Variants in NRXN3 observed in about 807,000 individuals in gnomAD.
NRXN3 encodes neurexin 3, also known as neurexin III.
Under a neutral mutation model 137.6 loss-of-function variants are expected in NRXN3, and 32 were observed. The observed-to-expected ratio is 0.23, with a 90% CI of 0.18 to 0.31. The LOEUF is 0.31. Ranked by LOEUF, NRXN3 falls within the 10% of genes least tolerant of loss-of-function variation. NRXN3 has a pLI of 1.00. For missense variants in NRXN3, 1,574 were observed against 2,062.5 expected (o/e 0.76, Z 4.59); for synonymous variants, 798 against 784.5 (o/e 1.02, Z -0.29).
intron 8 of NRXN3, among the ~76,000 whole-genome samples, chr14:78,766,576 A>G (rs1289056385): frequency 6.6e-6 from 1 of 152,222 alleles, no homozygotes; most frequent in Non-Finnish European, 1.5e-5. Flanking sequence ...TGATGGATCA[A>G]CTTCTTGAAC....
chr14:79,344,782 T>C (rs2092786779), intron 15 of NRXN3, among the ~76,000 whole-genome samples: 1 of 152,180 alleles, frequency 6.6e-6, no homozygotes, highest in Non-Finnish European at 1.5e-5. Context: ...AAGTTGACAA[T>C]ATAACTCTTT....
At chr14:78,261,815 A>G (rs1435222416) in intron 2 of NRXN3, among the ~76,000 whole-genome samples, 5 of 152,288 alleles carry the variant, frequency 3.3e-5, no homozygotes, top group African/African-American at 1.2e-4. Flanking sequence ...CCAGCCTAGC[A>G]CTCATTCTCC....
intron 15 of NRXN3, among the ~76,000 whole-genome samples, chr14:79,083,917 G>A (rs977316488): frequency 1.3e-5 from 2 of 152,008 alleles, no homozygotes; most frequent in Admixed American, 1.3e-4. Flanking sequence ...TTATTTGTTT[G>A]TTTTTGAGAC....
At chr14:78,787,706 A>G (rs1205484803) in intron 8 of NRXN3, among the ~76,000 whole-genome samples, 1 of 152,198 alleles carries the variant, frequency 6.6e-6, no homozygotes, top group East Asian at 1.9e-4. Flanking sequence ...ATATCTACAG[A>G]ACAGTGCTGT....
intron 4 of NRXN3, among the ~76,000 whole-genome samples, chr14:78,587,469 C>T (rs1271283488): frequency 5.3e-5 from 8 of 152,064 alleles, no homozygotes; most frequent in Admixed American, 2.0e-4. Flanking sequence ...AATATGGGAA[C>T]GTTAATAGCA....
intron 15 of NRXN3, among the ~76,000 whole-genome samples, chr14:79,009,747 C>T (rs1051171078): frequency 1.3e-5 from 2 of 152,170 alleles, no homozygotes; most frequent in African/African-American, 4.8e-5. Flanking sequence ...ATCCTTCAGT[C>T]TCTGTTGCCC....
At chr14:79,638,121 C>A (rs978298078) in intron 16 of NRXN3, among the ~76,000 whole-genome samples, 9 of 152,072 alleles carry the variant, frequency 5.9e-5, no homozygotes, top group Non-Finnish European at 4.4e-5. Flanking sequence ...ATTATCCGTG[C>A]ATTTGTCACC....
chr14:79,360,438 T>G (rs1490589254), intron 15 of NRXN3, among the ~76,000 whole-genome samples: 2 of 152,246 alleles, frequency 1.3e-5, no homozygotes, highest in African/African-American at 4.8e-5. Flanking sequence ...GCTCTTTTTC[T>G]TATCATGGAA....
chr14:79,520,574 A>G (rs1244526984), intron 16 of NRXN3, among the ~76,000 whole-genome samples: 7 of 152,186 alleles, frequency 4.6e-5, no homozygotes, highest in African/African-American at 1.7e-4. Context: ...TTTGCTGAGA[A>G]TGATGGTTTC....
intron 15 of NRXN3, among the ~76,000 whole-genome samples, chr14:79,431,793 A>C (rs935565588): frequency 6.6e-6 from 1 of 152,166 alleles, no homozygotes; most frequent in African/African-American, 2.4e-5. Flanking sequence ...AACTCTACGC[A>C]GTATTAAGTT....
At chr14:78,929,656 C>G (rs2099316139) in intron 10 of NRXN3, among the ~76,000 whole-genome samples, 1 of 152,112 alleles carries the variant, frequency 6.6e-6, no homozygotes, top group African/African-American at 2.4e-5. Context: ...AGTGAACATA[C>G]ACATGCATGT....
chr14:79,156,741 A>G (rs115181348), intron 15 of NRXN3, among the ~76,000 whole-genome samples: 195 of 151,890 alleles, frequency 1.3e-3, no homozygotes, highest in African/African-American at 4.5e-3. Flanking sequence ...AGTAAAGAAG[A>G]CTTTGTTTGG....
chr14:79,862,240 G>A lies in NRXN3; in HGVS notation c.*276G>A. The A allele has an allele frequency of 3.2e-6, 1 of 308,674 alleles. No individual in the cohort carries two copies. Among genetic ancestry groups the A allele is most frequent in the Non-Finnish European group, 6.1e-6 (1 of 164,844 alleles). The allele number at this position is 308,674 out of a possible 1,614,324, so 19.1% of individuals were successfully genotyped here. A position where few individuals can be genotyped will look rare whatever the true frequency, so the allele number is the denominator to read the frequency against. Reference sequence around the variant, plus strand: ...TGCTGTATCATAAAGCACACACTTAGCGCTCTGGAGCCGGACGGTGGCTCC... The same window carrying A: ...TGCTGTATCATAAAGCACACACTTAACGCTCTGGAGCCGGACGGTGGCTCC... On this transcript the variant is annotated 3_prime_UTR_variant, in exon 21 of 21. Transcript: ENST00000335750.
chr14:79,613,219 A>G (rs2098122204), intron 16 of NRXN3, among the ~76,000 whole-genome samples: 2 of 152,276 alleles, frequency 1.3e-5, no homozygotes, highest in African/African-American at 4.8e-5. Context: ...TAGAAGTCTC[A>G]GATGAAATTT....
intron 15 of NRXN3, among the ~76,000 whole-genome samples, chr14:79,239,805 C>T (rs777617527): frequency 5.9e-5 from 9 of 152,124 alleles, no homozygotes; most frequent in African/African-American, 2.4e-5. Flanking sequence ...GTGGTATATA[C>T]ACAATCGAAT....
intron 1 of NRXN3, among the ~76,000 whole-genome samples, chr14:78,203,905 CTTT>C (rs908055684): frequency 1.3e-5 from 2 of 149,174 alleles, no homozygotes; most frequent in Admixed American, 6.7e-5. Context: ...GTATACACTT[CTTT>C]TTTTATTTGT....
chr14:79,842,463 G>A (rs1391942118), intron 20 of NRXN3, among the ~76,000 whole-genome samples: 1 of 152,178 alleles, frequency 6.6e-6, no homozygotes, highest in Non-Finnish European at 1.5e-5. Flanking sequence ...CCTGGGTCTG[G>A]TGAGTCATAG....
chr14:79,580,904 C>T (rs1344294021), intron 16 of NRXN3, among the ~76,000 whole-genome samples: 1 of 152,176 alleles, frequency 6.6e-6, no homozygotes. Context: ...TGGGCCTAAT[C>T]CTTTCCGATA....
intron 15 of NRXN3, among the ~76,000 whole-genome samples, chr14:79,346,442 GTAAGA>G (rs1427394975): frequency 6.6e-6 from 1 of 152,038 alleles, no homozygotes; most frequent in Non-Finnish European, 1.5e-5. Context: ...ATAAGGCAAG[GTAAGA>G]TAAGATAAGG....
Sources: allele counts gnomAD v4.1 joint callset (sites outside exome capture counted in the v4.1 genomes callset), GRCh38; gene constraint gnomAD v4.1.1; transcripts MANE v1.5; gene names NCBI Gene and HGNC (gene_info 2026-07-23, HGNC 2026-07-21).